Variants in USP9X observed in about 807,000 individuals in gnomAD.
USP9X encodes the protein ubiquitin carboxyl-terminal hydrolase 9X.
USP9X carries 7 observed loss-of-function variants against 190.3 expected under a neutral mutation model. That is an observed-to-expected ratio of 0.04 (90% CI 0.02 to 0.07). The LOEUF (loss-of-function observed/expected upper bound fraction) is 0.07, where lower values mean the gene tolerates loss of function less well. Ranked by LOEUF, USP9X falls within the 10% of genes least tolerant of loss-of-function variation. The probability of loss-of-function intolerance (pLI) is 1.00; values close to 1 mark genes in which losing one functional copy is unlikely to be tolerated. For synonymous variants in USP9X, 645 were observed against 659.5 expected, an observed-to-expected ratio of 0.98 and a Z score of 0.34; for missense variants, 1,010 against 1,916.9, an observed-to-expected ratio of 0.53 and a Z score of 8.83.
chrX:41,158,140 T>C (rs970611657), intron 14 of USP9X, among the ~76,000 whole-genome samples: 6 of 110,928 alleles, frequency 5.4e-5, no homozygotes, highest in African/African-American at 1.6e-4. Flanking sequence ...TTGGGTACCA[T>C]GAAGGGGACC....
rs763494609 is a variant in USP9X, at chrX:41,210,734, CAG to C, written c.5189+54_5189+55del. The C allele has an allele frequency of 3.9e-4, 440 of 1,128,192 alleles. 1 individual carries two copies. The highest frequency in any genetic ancestry group is 4.7e-4 in the Non-Finnish European group (393 of 843,424). The allele number at this position is 1,128,192 out of a possible 1,213,427, so 93.0% of individuals were successfully genotyped here. ...ATATGTTGTACCATGTATATACTAACAGAAATAAAATTTTTACTAGTACTTAC... is the reference window on the plus strand; with the variant it reads ...ATATGTTGTACCATGTATATACTAACAAATAAAATTTTTACTAGTACTTAC... On this transcript the variant is annotated intron_variant, in intron 33 of 44. Transcript: ENST00000378308.
At chrX:41,172,080 G>C in intron 21 of USP9X, 122 bp downstream of exon 21, 3 of 786,806 alleles carry the variant, frequency 3.8e-6, no homozygotes, top group Middle Eastern at 7.4e-4. Flanking sequence ...ACAGATGACA[G>C]CCCACAAGCC....
chrX:41,216,454 G>C lies in USP9X; in HGVS notation c.5887G>C (p.Asp1963His). ...ACGAATGGACACAATAGACCAAGAT[G>C]ATGAGTTGATAAGATATATATCAGA... ...YERMDTIDQD[D>H]ELIRYISELA... Residue 1963 changes from aspartate (D) to histidine (H), a missense_variant, in exon 35 of 45, where the codon GAT becomes CAT. Coordinates refer to ENST00000378308, the MANE Select transcript of USP9X (RefSeq NM_001039591.3). 8.3e-7 allele frequency: 1 copy of C among 1,211,249 alleles called. No individual in the cohort carries two copies. Among genetic ancestry groups the C allele is most frequent in the Non-Finnish European group, 1.1e-6 (1 of 895,398 alleles).
At chrX:41,120,659 C>T (rs191287066) in intron 1 of USP9X, among the ~76,000 whole-genome samples, 260 of 109,400 alleles carry the variant, frequency 2.4e-3, no homozygotes, top group Middle Eastern at 0.023. Context: ...CCACCACGCC[C>T]GGCTAATTTT....
chrX:41,191,269 C>G (rs1291122525), intron 26 of USP9X, among the ~76,000 whole-genome samples: 1 of 103,926 alleles, frequency 9.6e-6, no homozygotes, highest in African/African-American at 3.6e-5. Context: ...GCGGATGTTG[C>G]AGTGAGCTGA....
chrX:41,136,800 A>T lies in USP9X; in HGVS notation c.436-4A>T, dbSNP rs2062377496. On this transcript the variant is annotated splice_polypyrimidine_tract_variant and splice_region_variant and intron_variant, in intron 5 of 44. Coordinates refer to ENST00000378308, the MANE Select transcript of USP9X (RefSeq NM_001039591.3). Reference sequence around the variant, plus strand: ...GTAAATCGCCTTTCCCCCTTGTATAACAGAGGTGTATTATTAACAATACTC... The same window carrying T: ...GTAAATCGCCTTTCCCCCTTGTATATCAGAGGTGTATTATTAACAATACTC... The T allele has an allele frequency of 8.3e-7, 1 of 1,197,940 alleles. No homozygotes were observed. Among genetic ancestry groups the T allele is most frequent in the African/African-American group, 1.8e-5 (1 of 56,921 alleles).
Position 41,141,416 on chromosome X carries a change from A to G in USP9X, c.1146A>G (p.Thr382=). 1 of 1,182,370 alleles carries G rather than the reference A, an allele frequency of 8.5e-7. No homozygotes were observed. The highest frequency in any genetic ancestry group is 1.1e-6 in the Non-Finnish European group (1 of 883,373). ...ATCCTGAGGAGGAAGAGTGGCTCAC[A>G]GCTGAACGAATGGCAGTGAGTCTTT... is the stretch of plus-strand genomic sequence containing the variant. ...HGNPEEEEWL[T]AERMAEWIQQ... The change falls in exon 9 of 45, where the codon ACA becomes ACG. Residue 382 remains threonine, a synonymous_variant. Coordinates refer to ENST00000378308, the MANE Select transcript of USP9X (RefSeq NM_001039591.3).
chrX:41,115,170 G>A (rs979139246), intron 1 of USP9X, among the ~76,000 whole-genome samples: 7 of 103,261 alleles, frequency 6.8e-5, no homozygotes, highest in African/African-American at 2.5e-4. Context: ...GCAGTGAGCC[G>A]AGATTGTGCC....
intron 1 of USP9X, among the ~76,000 whole-genome samples, chrX:41,121,780 A>G (rs1247735890): frequency 1.8e-5 from 2 of 111,282 alleles, no homozygotes; most frequent in Non-Finnish European, 3.8e-5. Context: ...TTTCATCTGG[A>G]GAGGAACCTG....
At chrX:41,131,414 G>A in intron 3 of USP9X, 43 bp from the exon 4 acceptor site, 7 of 1,104,695 alleles carry the variant, frequency 6.3e-6, no homozygotes, top group African/African-American at 1.8e-5. Context: ...GCCTCTTTTA[G>A]TGTACAACCA....
At chrX:41,157,002 G>A (rs974859025) in intron 14 of USP9X, among the ~76,000 whole-genome samples, 2 of 111,853 alleles carry the variant, frequency 1.8e-5, no homozygotes, top group Admixed American at 1.9e-4. Flanking sequence ...GGAATGCTAC[G>A]TGTATGCATT....
chrX:41,160,671 C>T (rs1027740617), intron 14 of USP9X, among the ~76,000 whole-genome samples: 1 of 111,606 alleles, frequency 9.0e-6, no homozygotes, highest in African/African-American at 3.3e-5. Context: ...CTGTGTTACT[C>T]GCCACAATGC....
intron 1 of USP9X, among the ~76,000 whole-genome samples, chrX:41,105,596 G>T (rs2062063457): frequency 8.9e-6 from 1 of 111,994 alleles, no homozygotes; most frequent in Non-Finnish European, 1.9e-5. Context: ...GACTAATGCC[G>T]CTATGAACAT....
In USP9X at chrX:41,141,177, G is replaced by A. The variant is rs1392019106; in HGVS notation, c.982G>A (p.Val328Ile). The A allele has an allele frequency of 1.7e-6, 2 of 1,193,760 alleles. No individual in the cohort carries two copies. Among genetic ancestry groups the A allele is most frequent in the East Asian group, 3.0e-5 (1 of 33,442 alleles). The change falls in exon 8 of 45, where the codon GTT (valine) becomes ATT (isoleucine). Residue 328 changes from valine to isoleucine, a missense_variant. By Grantham distance (29) the Val-to-Ile change is conservative (BLOSUM62 3). Coordinates refer to ENST00000378308, the MANE Select transcript of USP9X (RefSeq NM_001039591.3). The part of the protein sequence containing the change: ...ASRVPGQEET[V>I]KNLEIFRLKM... The stretch of plus-strand genomic sequence containing the variant: ...AAGGGTTCCAGGACAAGAAGAAACT[G>A]TTAAAAACTTAGAAATATTTAGGTT...
At chrX:41,206,744 A>G (rs1433926859) in intron 32 of USP9X, among the ~76,000 whole-genome samples, 1 of 110,288 alleles carries the variant, frequency 9.1e-6, no homozygotes, top group Non-Finnish European at 1.9e-5. Context: ...TGATGTTAAC[A>G]GCAATTTTTT....
At chrX:41,211,398 T>C (rs923357980) in intron 33 of USP9X, among the ~76,000 whole-genome samples, 1 of 112,619 alleles carries the variant, frequency 8.9e-6, no homozygotes, top group African/African-American at 3.2e-5. Flanking sequence ...AGAACTTGAG[T>C]GATTATAATA....
chrX:41,228,232 A>C (rs759527542), intron 41 of USP9X, among the ~76,000 whole-genome samples: 7 of 112,085 alleles, frequency 6.2e-5, no homozygotes, highest in Non-Finnish European at 1.9e-5. Context: ...TTTATAGCTG[A>C]ATAATATTTT....
intron 1 of USP9X, among the ~76,000 whole-genome samples, chrX:41,097,960 A>G (rs955483797): frequency 2.5e-4 from 28 of 111,584 alleles, no homozygotes; most frequent in African/African-American, 7.5e-4. Flanking sequence ...TTTTATTTTA[A>G]CTGAGATATA....
chrX:41,095,935 C>T (rs976596545), intron 1 of USP9X, among the ~76,000 whole-genome samples: 2 of 111,529 alleles, frequency 1.8e-5, no homozygotes, highest in Admixed American at 9.5e-5. Flanking sequence ...ATGGGGTGCT[C>T]CCATGGTATG....
Sources: allele counts gnomAD v4.1 joint callset (sites outside exome capture counted in the v4.1 genomes callset), GRCh38; gene constraint gnomAD v4.1.1; transcripts MANE v1.5; gene names NCBI Gene and HGNC (gene_info 2026-07-23, HGNC 2026-07-21).